The following TRMT9B variants were observed in gnomAD, a reference collection of about 807,000 sequenced individuals.
TRMT9B encodes tRNA methyltransferase 9B (putative), also known as probable tRNA methyltransferase 9B.
TRMT9B carries 16 observed loss-of-function variants against 11.5 expected under a neutral mutation model. The ratio of observed to expected loss-of-function variants is 1.39; its 90% CI spans 0.94 to 2.11. The LOEUF is 2.11. Among genes scored for constraint, TRMT9B ranks in the 30% most tolerant of loss-of-function variants. TRMT9B has a pLI of 0.00. For synonymous variants in TRMT9B, 274 were observed against 192.4 expected (o/e 1.42, Z -3.51); for missense variants, 941 against 553.8 (o/e 1.70, Z -7.02).
At chr8:12,955,028 T>G (rs1379283571) in intron 1 of TRMT9B, among the ~76,000 whole-genome samples, 2 of 151,870 alleles carry the variant, frequency 1.3e-5, no homozygotes, top group Non-Finnish European at 2.9e-5. Context: ...TAAAGAGGGG[T>G]TTATAATAAG....
chr8:13,023,448 C>T lies in TRMT9B; in HGVS notation c.*1404C>T, dbSNP rs998275401. The T allele has an allele frequency of 6.0e-6, 1 of 167,052 alleles. No individual in the cohort carries two copies. Among genetic ancestry groups the T allele is most frequent in the African/African-American group, 2.4e-5 (1 of 41,448 alleles). 10.3% of individuals were successfully genotyped at this position (167,052 alleles called of 1,614,324 possible). ...AGGTAGAATCAACTTCTACTGATTA[C>T]AGGTTGAATTTCTGTCACTTTGTAG... On this transcript the variant is annotated 3_prime_UTR_variant, in exon 5 of 5. Coordinates refer to ENST00000524591, the MANE Select transcript of TRMT9B (RefSeq NM_020844.3).
At chr8:12,986,556 G>A (rs547296538) in intron 1 of TRMT9B, among the ~76,000 whole-genome samples, 10 of 152,194 alleles carry the variant, frequency 6.6e-5, no homozygotes, top group South Asian at 6.2e-4. Context: ...CCTATTTCCC[G>A]CAAATGCATA....
At chr8:13,003,028 T>G (rs1366612142) in intron 2 of TRMT9B, among the ~76,000 whole-genome samples, 4 of 152,178 alleles carry the variant, frequency 2.6e-5, no homozygotes, top group Non-Finnish European at 4.4e-5. Context: ...ACTATGTGTA[T>G]TTATTTGATC....
chr8:12,982,419 T>C (rs760904730), intron 1 of TRMT9B, among the ~76,000 whole-genome samples: 1 of 152,170 alleles, frequency 6.6e-6, no homozygotes, highest in Non-Finnish European at 1.5e-5. Context: ...CCCAGCAGTT[T>C]GGGATGCCGA....
chr8:12,970,738 A>C (rs1283313642), intron 1 of TRMT9B, among the ~76,000 whole-genome samples: 4 of 152,216 alleles, frequency 2.6e-5, no homozygotes, highest in Non-Finnish European at 5.9e-5. Flanking sequence ...GGAATTAGGA[A>C]TTGGCACCAA....
At chr8:13,010,136 TGA>T (rs1491468554) in intron 3 of TRMT9B, 1,859 of 409,084 alleles carry the variant, frequency 4.5e-3, no homozygotes, top group Non-Finnish European at 5.4e-3. Context: ...AGACCCTATC[TGA>T]AAAAAAAAAA....
At chr8:12,974,946 A>C (rs546690758) in intron 1 of TRMT9B, among the ~76,000 whole-genome samples, 1 of 152,242 alleles carries the variant, frequency 6.6e-6, no homozygotes, top group Non-Finnish European at 1.5e-5. Context: ...ATTATTTGTG[A>C]AAGAACTTTG....
At chr8:12,954,088 G>A (rs1353439575) in intron 1 of TRMT9B, among the ~76,000 whole-genome samples, 1 of 152,194 alleles carries the variant, frequency 6.6e-6, no homozygotes, top group Non-Finnish European at 1.5e-5. Context: ...CCAGAGTGAT[G>A]TGAAATTGGG....
chr8:13,019,237 G>A (rs1157040082), intron 4 of TRMT9B, among the ~76,000 whole-genome samples: 1 of 152,152 alleles, frequency 6.6e-6, no homozygotes, highest in Non-Finnish European at 1.5e-5. Flanking sequence ...AGTGAATTAG[G>A]TGCAAGTTAT....
chr8:12,980,102 A>G (rs537952525), intron 1 of TRMT9B, among the ~76,000 whole-genome samples: 3 of 152,174 alleles, frequency 2.0e-5, no homozygotes, highest in African/African-American at 7.2e-5. Context: ...ATAAATGACC[A>G]CAAAGTGGGT....
chr8:12,973,101 C>G (rs1298560683), intron 1 of TRMT9B, among the ~76,000 whole-genome samples: 2 of 152,222 alleles, frequency 1.3e-5, no homozygotes, highest in Admixed American at 1.3e-4. Flanking sequence ...CCTTTCATGT[C>G]TGGCTTATTT....
chr8:12,977,833 A>G (rs60290963), intron 1 of TRMT9B, among the ~76,000 whole-genome samples: 2,184 of 150,372 alleles, frequency 0.015, 54 homozygotes, highest in African/African-American at 0.051. Context: ...TGGGCAATAT[A>G]GCAAGACCCT....
chr8:13,016,433 A>G (rs896914153), intron 4 of TRMT9B, among the ~76,000 whole-genome samples: 10 of 149,238 alleles, frequency 6.7e-5, no homozygotes, highest in African/African-American at 2.0e-4. Flanking sequence ...ACTATGAGAA[A>G]TTTCAATAGA....
chr8:12,980,220 T>C (rs1805136452), intron 1 of TRMT9B, among the ~76,000 whole-genome samples: 2 of 152,098 alleles, frequency 1.3e-5, no homozygotes, highest in African/African-American at 4.8e-5. Context: ...GGAAAATTCC[T>C]CCTTGCCTCC....
At chr8:12,952,342 C>CGGGTCT (rs1417232762) in intron 1 of TRMT9B, 13 of 323,350 alleles carry the variant, frequency 4.0e-5, no homozygotes, top group Non-Finnish European at 8.3e-5. Context: ...AGCCCGCGCC[C>CGGGTCT]GGGTCTGGCC....
At chr8:12,959,352 T>A (rs1801738703) in intron 1 of TRMT9B, among the ~76,000 whole-genome samples, 1 of 152,132 alleles carries the variant, frequency 6.6e-6, no homozygotes, top group Non-Finnish European at 1.5e-5. Context: ...ATGCGTACAA[T>A]TATTTCAAAA....
At chr8:13,000,262 G>T (rs1809169867) in intron 2 of TRMT9B, among the ~76,000 whole-genome samples, 1 of 152,104 alleles carries the variant, frequency 6.6e-6, no homozygotes, top group Non-Finnish European at 1.5e-5. Context: ...ATTCAAGTAG[G>T]TAGAAAAATG....
chr8:12,981,127 C>CA (rs1241094516), intron 1 of TRMT9B, among the ~76,000 whole-genome samples: 1 of 152,066 alleles, frequency 6.6e-6, no homozygotes, highest in Non-Finnish European at 1.5e-5. Flanking sequence ...ATAGAAGCAA[C>CA]ACATTGATTT....
At chr8:12,968,614 C>T (rs1304586718) in intron 1 of TRMT9B, among the ~76,000 whole-genome samples, 1 of 152,126 alleles carries the variant, frequency 6.6e-6, no homozygotes, top group African/African-American at 2.4e-5. Flanking sequence ...CCGATAGCCA[C>T]GTGGACTCCA....
Sources: allele counts gnomAD v4.1 joint callset (sites outside exome capture counted in the v4.1 genomes callset), GRCh38; gene constraint gnomAD v4.1.1; transcripts MANE v1.5; gene names NCBI Gene and HGNC (gene_info 2026-07-23, HGNC 2026-07-21).